MECOM: variants seen among roughly 807,000 people sequenced by gnomAD.
The protein encoded by MECOM is MDS1 and EVI1 complex locus.
In MECOM, 13 loss-of-function variants were observed where a neutral mutation model predicts 116.3. The ratio of observed to expected loss-of-function variants is 0.11; its 90% CI spans 0.07 to 0.18. The LOEUF (loss-of-function observed/expected upper bound fraction) is 0.18, where lower values mean the gene tolerates loss of function less well. Among genes scored for constraint, MECOM ranks in the 10% least tolerant of loss-of-function variants. The pLI, the probability that MECOM is intolerant of heterozygous loss-of-function variation, is 1.00. For synonymous variants in MECOM, 528 were observed against 535.2 expected (o/e 0.99, Z 0.19); for missense variants, 1,299 against 1,509.0 (o/e 0.86, Z 2.31).
At chr3:169,089,901 T>A (rs116089988) in intron 15 of MECOM, 99 bp downstream of exon 15, 131,119 of 1,501,208 alleles carry the variant, frequency 0.087, 7,929 homozygotes, top group South Asian at 0.26. Context: ...AAGTTTAATT[T>A]TTGTGATTTA....
chr3:169,402,612 C>A (rs956956966), intron 1 of MECOM, among the ~76,000 whole-genome samples: 1 of 151,978 alleles, frequency 6.6e-6, no homozygotes, highest in South Asian at 2.1e-4. Context: ...GCCAAGATTG[C>A]ACCATTGCAC....
At chr3:169,498,045 G>A (rs541214892) in intron 1 of MECOM, among the ~76,000 whole-genome samples, 2 of 152,094 alleles carry the variant, frequency 1.3e-5, no homozygotes, top group South Asian at 4.1e-4. Context: ...AACTGAATAT[G>A]CGCTTTATTT....
At chr3:169,642,772 T>C (rs1773665272) in intron 1 of MECOM, among the ~76,000 whole-genome samples, 1 of 147,178 alleles carries the variant, frequency 6.8e-6, no homozygotes, top group African/African-American at 2.5e-5. Context: ...TCATGCTCCC[T>C]TCCCCTACTT....
intron 1 of MECOM, among the ~76,000 whole-genome samples, chr3:169,406,849 GTT>G (rs1323915641): frequency 7.8e-6 from 1 of 128,222 alleles, no homozygotes; most frequent in Admixed American, 7.7e-5. Context: ...GTTTTTTTTT[GTT>G]TTTTTTTTTT....
In MECOM at chr3:169,329,493, T is replaced by C. The variant is rs1433308565; in HGVS notation, c.375+51694A>G. The stretch of plus-strand genomic sequence containing the variant: ...TTTGTCTGTGTGCAAAAGTGAACCA[T>C]TGAGCATCCTTTTCTAAGGCACTAA... On this transcript the variant is annotated intron_variant, in intron 2 of 16. Coordinates refer to ENST00000651503, the MANE Select transcript of MECOM (RefSeq NM_004991.4). Among the ~76,000 whole-genome samples, 13 of 152,306 alleles carry C rather than the reference T, an allele frequency of 8.5e-5. No homozygotes were observed. The East Asian group carries it at 9.6e-4, about 11-fold the overall frequency.
At chr3:169,475,105 T>A (rs535182406) in intron 1 of MECOM, among the ~76,000 whole-genome samples, 1 of 152,118 alleles carries the variant, frequency 6.6e-6, no homozygotes, top group African/African-American at 2.4e-5. Context: ...CAGAACAGAG[T>A]CCATGTATTT....
intron 1 of MECOM, among the ~76,000 whole-genome samples, chr3:169,544,244 G>C (rs560612141): frequency 3.9e-5 from 6 of 152,348 alleles, no homozygotes; most frequent in African/African-American, 1.4e-4. Flanking sequence ...CTTAATGTGA[G>C]TAAAGCAGTG....
At chr3:169,591,005 T>C (rs1282520395) in intron 1 of MECOM, among the ~76,000 whole-genome samples, 1 of 152,150 alleles carries the variant, frequency 6.6e-6, no homozygotes, top group Non-Finnish European at 1.5e-5. Flanking sequence ...GATTCCCTAA[T>C]CAAAGTGAAA....
At chr3:169,481,552 C>CAAAT (rs1023663708) in intron 1 of MECOM, among the ~76,000 whole-genome samples, 13 of 151,402 alleles carry the variant, frequency 8.6e-5, no homozygotes, top group East Asian at 5.8e-4. Context: ...GACTCTATCT[C>CAAAT]AAATAAATAA....
chr3:169,229,924 A>G (rs774152176), intron 2 of MECOM, among the ~76,000 whole-genome samples: 1 of 152,210 alleles, frequency 6.6e-6, no homozygotes, highest in Non-Finnish European at 1.5e-5. Flanking sequence ...CCAAAATAAA[A>G]CTAAACAAAG....
chr3:169,399,285 C>G (rs1482985356), intron 1 of MECOM, among the ~76,000 whole-genome samples: 1 of 152,106 alleles, frequency 6.6e-6, no homozygotes, highest in Admixed American at 6.6e-5. Context: ...TGAGGAGTTT[C>G]GTTTTTGAAA....
chr3:169,159,544 C>T (rs1450130218), intron 2 of MECOM, among the ~76,000 whole-genome samples: 1 of 151,994 alleles, frequency 6.6e-6, no homozygotes, highest in Admixed American at 6.5e-5. Flanking sequence ...GGCAACAGTG[C>T]GAGATTCCGT....
intron 2 of MECOM, among the ~76,000 whole-genome samples, chr3:169,284,248 A>G (rs1712783690): frequency 6.6e-6 from 1 of 151,526 alleles, no homozygotes; most frequent in Non-Finnish European, 1.5e-5. Flanking sequence ...GCTCCCAGAT[A>G]CTGCCATCTG....
chr3:169,629,892 C>T (rs923430510), intron 1 of MECOM, among the ~76,000 whole-genome samples: 28 of 152,336 alleles, frequency 1.8e-4, no homozygotes, highest in African/African-American at 6.7e-4. Context: ...CCATGCAGCA[C>T]AGGCTGCCCA....
chr3:169,142,408 C>T (rs893052559), intron 3 of MECOM, among the ~76,000 whole-genome samples: 8 of 151,868 alleles, frequency 5.3e-5, no homozygotes, highest in African/African-American at 1.9e-4. Context: ...ACTCACAATA[C>T]CTATGTATTT....
intron 2 of MECOM, among the ~76,000 whole-genome samples, chr3:169,209,091 G>C (rs926145425): frequency 3.9e-5 from 6 of 152,108 alleles, no homozygotes; most frequent in Non-Finnish European, 8.8e-5. Flanking sequence ...ACCAGCAATG[G>C]GGAAAGGATT....
chr3:169,259,727 C>CA (rs1342678256), intron 2 of MECOM, among the ~76,000 whole-genome samples: 1 of 152,090 alleles, frequency 6.6e-6, no homozygotes, highest in Non-Finnish European at 1.5e-5. Flanking sequence ...TACCCTGTCT[C>CA]AAAAAAACAT....
At chr3:169,226,600 C>T (rs1323901979) in intron 2 of MECOM, among the ~76,000 whole-genome samples, 1 of 152,160 alleles carries the variant, frequency 6.6e-6, no homozygotes, top group African/African-American at 2.4e-5. Context: ...GCCCAAGGTC[C>T]TAAAACCAAC....
intron 2 of MECOM, among the ~76,000 whole-genome samples, chr3:169,363,554 C>T (rs1728662597): frequency 6.6e-6 from 1 of 151,888 alleles, no homozygotes; most frequent in African/African-American, 2.4e-5. Context: ...AGAAATGAGT[C>T]CTGGGCTTCC....
Sources: gnomAD v4.1 joint callset for allele counts (sites outside exome capture counted in the v4.1 genomes callset) on GRCh38, gnomAD v4.1.1 for gene constraint, MANE v1.5 for transcripts, NCBI Gene and HGNC (gene_info 2026-07-23, HGNC 2026-07-21) for gene names.